The following NKAIN2 variants were observed in gnomAD, a reference collection of about 807,000 sequenced individuals.
NKAIN2 encodes sodium/potassium transporting ATPase interacting 2.
In NKAIN2, 14 loss-of-function variants were observed where a neutral mutation model predicts 32.6. The ratio of observed to expected loss-of-function variants is 0.43; its 90% CI spans 0.28 to 0.67. NKAIN2 has a LOEUF of 0.67. Among genes scored for constraint, NKAIN2 ranks in the 30% least tolerant of loss-of-function variants. The pLI, the probability that NKAIN2 is intolerant of heterozygous loss-of-function variation, is 0.17. For synonymous variants in NKAIN2, 80 were observed against 87.2 expected, an observed-to-expected ratio of 0.92 and a Z score of 0.46; for missense variants, 198 against 258.3, an observed-to-expected ratio of 0.77 and a Z score of 1.60.
At chr6:124,576,645 C>T (rs1169277575) in intron 3 of NKAIN2, among the ~76,000 whole-genome samples, 1 of 151,854 alleles carries the variant, frequency 6.6e-6, no homozygotes, top group African/African-American at 2.4e-5. Context: ...AATATCATGC[C>T]TTGGCAAAAC....
intron 3 of NKAIN2, among the ~76,000 whole-genome samples, chr6:124,522,957 A>C (rs945313648): frequency 1.5e-4 from 23 of 150,270 alleles, no homozygotes; most frequent in South Asian, 8.5e-4. Flanking sequence ...TCCCGGCTAA[A>C]ACGGTGAAAC....
intron 1 of NKAIN2, among the ~76,000 whole-genome samples, chr6:124,086,464 A>G (rs1249860231): frequency 6.6e-6 from 1 of 151,846 alleles, no homozygotes; most frequent in Non-Finnish European, 1.5e-5. Flanking sequence ...TGGTATTGAT[A>G]TTTGTCTCCT....
At chr6:124,437,248 G>T (rs143798675) in intron 3 of NKAIN2, among the ~76,000 whole-genome samples, 14 of 152,268 alleles carry the variant, frequency 9.2e-5, no homozygotes, top group African/African-American at 3.1e-4. Flanking sequence ...AAAAGGGCAG[G>T]GAATTTTTTT....
intron 4 of NKAIN2, among the ~76,000 whole-genome samples, chr6:124,694,598 T>C (rs1206366763): frequency 4.6e-5 from 7 of 152,182 alleles, no homozygotes; most frequent in Admixed American, 4.6e-4. Context: ...CAGCAGCTGC[T>C]CTTGAACAAA....
At chr6:124,480,816 T>C (rs2114698979) in intron 3 of NKAIN2, among the ~76,000 whole-genome samples, 1 of 152,240 alleles carries the variant, frequency 6.6e-6, no homozygotes, top group African/African-American at 2.4e-5. Flanking sequence ...TTGAAATTAT[T>C]ATCTGTAACA....
At chr6:123,832,343 G>T (rs993019055) in intron 1 of NKAIN2, among the ~76,000 whole-genome samples, 1 of 152,078 alleles carries the variant, frequency 6.6e-6, no homozygotes, top group Non-Finnish European at 1.5e-5. Flanking sequence ...TTCATTGTCT[G>T]ATTATCACAG....
chr6:124,631,022 C>T (rs1783544463), intron 3 of NKAIN2, among the ~76,000 whole-genome samples: 1 of 152,126 alleles, frequency 6.6e-6, no homozygotes, highest in Non-Finnish European at 1.5e-5. Context: ...ATGATTAATG[C>T]TTAAATTGCT....
chr6:123,890,696 G>A (rs948380363), intron 1 of NKAIN2, among the ~76,000 whole-genome samples: 20 of 152,128 alleles, frequency 1.3e-4, no homozygotes, highest in Non-Finnish European at 4.4e-5. Flanking sequence ...GTGTGGGCTA[G>A]CATGGGGAGA....
At chr6:124,490,030 G>A (rs1777799379) in intron 3 of NKAIN2, among the ~76,000 whole-genome samples, 1 of 151,802 alleles carries the variant, frequency 6.6e-6, no homozygotes, top group Non-Finnish European at 1.5e-5. Flanking sequence ...TGAATGTTTG[G>A]TATGGAATTG....
chr6:124,345,767 G>A (rs1369657008), intron 2 of NKAIN2, among the ~76,000 whole-genome samples: 1 of 151,604 alleles, frequency 6.6e-6, no homozygotes, highest in East Asian at 1.9e-4. Context: ...CAATTTTGTT[G>A]ATCCTTTCAA....
At chr6:124,174,721 A>G (rs145362768) in intron 1 of NKAIN2, among the ~76,000 whole-genome samples, 79 of 152,318 alleles carry the variant, frequency 5.2e-4, no homozygotes, top group African/African-American at 1.9e-3. Context: ...ACTTCTACTC[A>G]TATTTCATTG....
chr6:124,115,002 T>C (rs1432058702), intron 1 of NKAIN2, among the ~76,000 whole-genome samples: 2 of 152,122 alleles, frequency 1.3e-5, no homozygotes, highest in Non-Finnish European at 2.9e-5. Context: ...ACAAGTGATA[T>C]GCAATTGGAA....
At chr6:123,833,691 C>CTGTGTGTGTGTGTGTGTGTGTGTGTG (rs59906355) in intron 1 of NKAIN2, among the ~76,000 whole-genome samples, 3 of 129,546 alleles carry the variant, frequency 2.3e-5, no homozygotes, top group Non-Finnish European at 4.7e-5. Flanking sequence ...ATTTTTTTTC[C>CTGTGTGTGTGTGTGTGTGTGTGTGTG]TGTGTGTGTG....
At chr6:124,308,446 G>A (rs1416853749) in intron 2 of NKAIN2, among the ~76,000 whole-genome samples, 1 of 152,116 alleles carries the variant, frequency 6.6e-6, no homozygotes, top group Non-Finnish European at 1.5e-5. Context: ...AAGTTTACAT[G>A]AGATATAAAT....
intron 3 of NKAIN2, among the ~76,000 whole-genome samples, chr6:124,494,185 T>C (rs576269045): frequency 2.0e-5 from 3 of 152,228 alleles, no homozygotes; most frequent in African/African-American, 7.2e-5. Flanking sequence ...ACAAGGCTAA[T>C]CTTCTTGAGA....
chr6:123,817,324 T>C (rs1171555163), intron 1 of NKAIN2, among the ~76,000 whole-genome samples: 4 of 152,138 alleles, frequency 2.6e-5, no homozygotes, highest in Non-Finnish European at 5.9e-5. Context: ...CTTTATACAC[T>C]AGTTGGAGTA....
chr6:124,588,290 C>A (rs1043748244), intron 3 of NKAIN2, among the ~76,000 whole-genome samples: 10 of 152,130 alleles, frequency 6.6e-5, no homozygotes, highest in African/African-American at 1.9e-4. Flanking sequence ...GTTTATTCAT[C>A]CATCATCTCT....
intron 3 of NKAIN2, among the ~76,000 whole-genome samples, chr6:124,640,262 C>T (rs1783934815): frequency 1.3e-5 from 2 of 152,136 alleles, no homozygotes; most frequent in Non-Finnish European, 2.9e-5. Context: ...TTGAGGAGGA[C>T]ATTGCCTTGT....
At position 123,826,850 on chromosome 6, in the gene NKAIN2, G is replaced by A. The variant is rs566635315; in HGVS notation, c.54+22596G>A. Among the ~76,000 whole-genome samples the A allele has an allele frequency of 6.6e-5, 10 of 152,174 alleles. No individual in the cohort carries two copies. The South Asian group carries it at 2.1e-3, about 32-fold the overall frequency. On this transcript the variant is annotated intron_variant, in intron 1 of 6. Transcript: ENST00000368417. Reference sequence around the variant, plus strand: ...AAGTTCCTGCTTTTAGTTCTTTTGGGTGTATATCCAGAAGTGGAATTGCTA... The same window carrying A: ...AAGTTCCTGCTTTTAGTTCTTTTGGATGTATATCCAGAAGTGGAATTGCTA...
Sources: allele counts gnomAD v4.1 joint callset (sites outside exome capture counted in the v4.1 genomes callset), GRCh38; gene constraint gnomAD v4.1.1; transcripts MANE v1.5; gene names NCBI Gene and HGNC (gene_info 2026-07-23, HGNC 2026-07-21).